NTMT1: variants seen among roughly 807,000 people sequenced by gnomAD.
The protein encoded by NTMT1 is N-terminal Xaa-Pro-Lys N-methyltransferase 1, also known as N-terminal RCC1 methyltransferase.
Under a neutral mutation model 17.5 loss-of-function variants are expected in NTMT1, and 8 were observed. That is an observed-to-expected ratio of 0.46 (90% CI 0.27 to 0.82). NTMT1 has a LOEUF of 0.82. NTMT1 is among the 40% of genes least tolerant of loss of function. NTMT1 has a pLI of 0.15. For synonymous variants in NTMT1, 128 were observed against 126.8 expected, an observed-to-expected ratio of 1.01 and a Z score of -0.06; for missense variants, 221 against 303.5, an observed-to-expected ratio of 0.73 and a Z score of 2.02.
chr9:129,612,546 G>A (rs1830142731), intron 1 of NTMT1: 1 of 938,790 alleles, frequency 1.1e-6, no homozygotes, highest in South Asian at 1.4e-5. Flanking sequence ...AGCCCTGTTG[G>A]GCAGGTAGTG....
Position 129,613,276 on chromosome 9 carries a change from C to A in NTMT1, c.-55+4098C>A. On this transcript the variant is annotated intron_variant, in intron 1 of 3. Transcript: ENST00000372486. The surrounding 1 kb of genome is among the most constrained non-coding windows in gnomAD (Gnocchi z 6.2). ...CCTGGGGGAGACAGGACCCCATGAG[C>A]TTCCTGGACTCTGAGTCCCCGGCCC... The A allele has an allele frequency of 6.3e-7, 1 of 1,582,666 alleles. No individual in the cohort carries two copies. The highest frequency in any genetic ancestry group is 8.6e-7 in the Non-Finnish European group (1 of 1,162,474).
intron 2 of NTMT1, chr9:129,633,665 A>C: frequency 6.1e-6 from 1 of 163,840 alleles, no homozygotes; most frequent in Non-Finnish European, 1.3e-5. Context: ...AAAAAATACA[A>C]AAAAAAAAAA....
At chr9:129,626,468 C>G (rs1301579461) in intron 1 of NTMT1, 173 bp downstream of exon 1, 1 of 152,282 alleles carries the variant, frequency 6.6e-6, no homozygotes, top group African/African-American at 2.4e-5. Flanking sequence ...GTCTACGGGC[C>G]GGACCTGGGC....
chr9:129,609,546 C>T (rs1198956581), intron 1 of NTMT1, among the ~76,000 whole-genome samples: 3 of 151,344 alleles, frequency 2.0e-5, no homozygotes, highest in Admixed American at 2.0e-4. Flanking sequence ...GGGCAGCCCC[C>T]CCACCCCAAA....
Position 129,635,545 on chromosome 9 carries a change from T to C in NTMT1, c.*81T>C. ...GCTGGGCAAGATCCAGGCGCCACGC[T>C]GGCGGTTCGTGAGTGTCGAGGCACC... is the stretch of plus-strand genomic sequence containing the variant. On this transcript the variant is annotated 3_prime_UTR_variant, in exon 4 of 4. Coordinates refer to ENST00000372483, the MANE Select transcript of NTMT1 (RefSeq NM_014064.4). 6.7e-7 allele frequency: 1 copy of C among 1,496,168 alleles called. No homozygotes were observed. The highest frequency in any genetic ancestry group is 1.9e-5 in the Admixed American group (1 of 51,960). 92.7% of individuals were successfully genotyped at this position (1,496,168 alleles called of 1,614,324 possible). A position where few individuals can be genotyped will look rare whatever the true frequency, so the allele number is the denominator to read the frequency against.
chr9:129,632,891 G>A (rs768318642), intron 2 of NTMT1, 26 bp downstream of exon 2: 1 of 1,608,460 alleles, frequency 6.2e-7, no homozygotes, highest in Non-Finnish European at 8.5e-7. Flanking sequence ...GTGCTCTCCA[G>A]GAGAGGCTGT....
chr9:129,635,346 G>A lies in NTMT1; in HGVS notation c.554G>A (p.Arg185Gln), dbSNP rs367834442. Residue 185 changes from arginine (R) to glutamine (Q), a missense_variant, in exon 4 of 4, where the codon CGG becomes CAG. Transcript: ENST00000372483. Reference sequence around the variant, plus strand: ...GACGACGTGGACAGCAGCGTGTGCCGGGACCTTGACGTGGTCCGCAGGATC... The same window carrying A: ...GACGACGTGGACAGCAGCGTGTGCCAGGACCTTGACGTGGTCCGCAGGATC... ...ILDDVDSSVCRDLDVVRRIIC... is the reference protein window; with the variant it reads ...ILDDVDSSVCQDLDVVRRIIC... 6.2e-7 allele frequency: 1 copy of A among 1,613,846 alleles called. No homozygotes were observed. The highest frequency in any genetic ancestry group is 8.5e-7 in the Non-Finnish European group (1 of 1,180,044).
Position 129,620,083 on chromosome 9 carries a change from CT to C in NTMT1, c.-55+10906del. On this transcript the variant is annotated intron_variant, in intron 1 of 3. Transcript: ENST00000372486. The surrounding 1 kb of genome is among the most constrained non-coding windows in gnomAD (Gnocchi z 5.8). Reference sequence around the variant, plus strand: ...GGGCCTCACTCAGTGGCTCCGGCTCCTCGGCGCACTTCTCCTGGAGCTGGTG... The same window carrying C: ...GGGCCTCACTCAGTGGCTCCGGCTCCCGGCGCACTTCTCCTGGAGCTGGTG... The C allele has an allele frequency of 1.4e-6, 2 of 1,451,630 alleles. No individual in the cohort carries two copies. Among genetic ancestry groups the C allele is most frequent in the Non-Finnish European group, 1.8e-6 (2 of 1,100,024 alleles). The allele number at this position is 1,451,630 out of a possible 1,614,324, so 89.9% of individuals were successfully genotyped here. A position where few individuals can be genotyped will look rare whatever the true frequency, so the allele number is the denominator to read the frequency against.
At chr9:129,628,319 A>C (rs140886603) in intron 1 of NTMT1, among the ~76,000 whole-genome samples, 1 of 152,212 alleles carries the variant, frequency 6.6e-6, no homozygotes, top group Non-Finnish European at 1.5e-5. Flanking sequence ...GGCAGATGTC[A>C]AAGTCAGGCT....
chr9:129,627,890 G>A (rs1588134793), intron 1 of NTMT1, among the ~76,000 whole-genome samples: 1 of 152,192 alleles, frequency 6.6e-6, no homozygotes, highest in South Asian at 2.1e-4. Flanking sequence ...AAAGTCTGCC[G>A]GTGACAGTTT....
chr9:129,619,357 A>G (rs1378559837), intron 1 of NTMT1, among the ~76,000 whole-genome samples: 1 of 152,184 alleles, frequency 6.6e-6, no homozygotes, highest in African/African-American at 2.4e-5. Context: ...TGAATCTTGA[A>G]TGGGTTGGTA....
At chr9:129,615,967 C>T (rs1830357729) in intron 1 of NTMT1, among the ~76,000 whole-genome samples, 1 of 152,214 alleles carries the variant, frequency 6.6e-6, no homozygotes, top group Non-Finnish European at 1.5e-5. Flanking sequence ...CCAAGACCTG[C>T]ATCCTGGTTC....
intron 1 of NTMT1, among the ~76,000 whole-genome samples, chr9:129,610,468 G>A (rs761518053): frequency 1.8e-4 from 28 of 152,122 alleles, no homozygotes; most frequent in Non-Finnish European, 3.5e-4. Flanking sequence ...ACAAAAGCGA[G>A]AGAGAGGGAA....
intron 3 of NTMT1, chr9:129,634,990 C>T: frequency 1.7e-6 from 1 of 583,416 alleles, no homozygotes. Context: ...CAAATTCTGG[C>T]TTAATGTGTC....
Position 129,620,551 on chromosome 9 carries a change from TG to T in NTMT1, c.-55+11376del. On this transcript the variant is annotated intron_variant, in intron 1 of 3. Coordinates refer to the NTMT1 transcript ENST00000372486. The surrounding 1 kb of genome is among the most constrained non-coding windows in gnomAD (Gnocchi z 5.8). ...CCTTGGGCGCCAGGTCCTGGGCCCC[TG>T]GGCGAAGTCGACGCCAGAACATGCT... 2 of 1,397,314 alleles carry T rather than the reference TG, an allele frequency of 1.4e-6. No individual in the cohort carries two copies. Among genetic ancestry groups the T allele is most frequent in the Non-Finnish European group, 1.9e-6 (2 of 1,072,472 alleles). The allele number at this position is 1,397,314 out of a possible 1,614,324, so 86.6% of individuals were successfully genotyped here.
intron 1 of NTMT1, among the ~76,000 whole-genome samples, chr9:129,630,570 A>G (rs1023529662): frequency 1.3e-5 from 2 of 152,078 alleles, no homozygotes; most frequent in East Asian, 3.9e-4. Flanking sequence ...TGAAGCCCCT[A>G]GAGTGTTCCT....
chr9:129,620,553 G>C lies in NTMT1; in HGVS notation c.-55+11375G>C. Reference sequence around the variant, plus strand: ...TTGGGCGCCAGGTCCTGGGCCCCTGGGCGAAGTCGACGCCAGAACATGCTT... The same window carrying C: ...TTGGGCGCCAGGTCCTGGGCCCCTGCGCGAAGTCGACGCCAGAACATGCTT... On this transcript the variant is annotated intron_variant, in intron 1 of 3. Coordinates refer to the NTMT1 transcript ENST00000372486. This position sits in a 1 kb window ranked among gnomAD's most constrained non-coding sequence, Gnocchi z 5.8. 1 of 1,393,790 alleles carries C rather than the reference G, an allele frequency of 7.2e-7. No individual in the cohort carries two copies. Among genetic ancestry groups the C allele is most frequent in the East Asian group, 2.8e-5 (1 of 35,946 alleles). 86.3% of individuals were successfully genotyped at this position (1,393,790 alleles called of 1,614,324 possible). A position where few individuals can be genotyped will look rare whatever the true frequency, so the allele number is the denominator to read the frequency against.
chr9:129,610,739 G>A (rs910866587), intron 1 of NTMT1, among the ~76,000 whole-genome samples: 2 of 152,078 alleles, frequency 1.3e-5, no homozygotes, highest in East Asian at 1.9e-4. Context: ...TGCTGCAGCC[G>A]GCGCAGGGGC....
intron 1 of NTMT1, chr9:129,619,656 C>T (rs1830572241): frequency 6.2e-7 from 1 of 1,613,374 alleles, no homozygotes; most frequent in African/African-American, 1.3e-5. Flanking sequence ...AAACAGGCCA[C>T]ATCTGGCATG....
Sources: allele counts gnomAD v4.1 joint callset (sites outside exome capture counted in the v4.1 genomes callset), GRCh38; gene constraint gnomAD v4.1.1; non-coding constraint Gnocchi (gnomAD v3.1); transcripts MANE v1.5; gene names NCBI Gene and HGNC (gene_info 2026-07-23, HGNC 2026-07-21).